The following CALY variants were observed in gnomAD, a reference collection of about 807,000 sequenced individuals.
The protein encoded by CALY is neuron-specific vesicular protein calcyon.
In CALY, 15 loss-of-function variants were observed where a neutral mutation model predicts 20.2. The ratio of observed to expected loss-of-function variants is 0.74; its 90% CI spans 0.50 to 1.14. CALY has a LOEUF of 1.14. Among genes scored for constraint, CALY ranks in the 50% most tolerant of loss-of-function variants. The pLI is 0.00. For missense variants in CALY, 270 were observed against 304.4 expected (o/e 0.89, Z 0.84); for synonymous variants, 129 against 131.8 (o/e 0.98, Z 0.15).
At position 133,324,231 on chromosome 10, in the gene CALY, A is replaced by C; in HGVS notation, c.*1364T>G. On this transcript the variant is annotated 3_prime_UTR_variant, in exon 6 of 6. Transcript: ENST00000252939. ...GCTTGTTCATCTGGCCAATGCCCTT[A>C]GAAGCCCAGCAGTGAAGGGTGTGGT... 2 of 400,214 alleles carry C rather than the reference A, an allele frequency of 5.0e-6. No individual in the cohort carries two copies. The highest frequency in any genetic ancestry group is 3.4e-5 in the South Asian group (2 of 58,510). The allele number at this position is 400,214 out of a possible 1,614,324, so 24.8% of individuals were successfully genotyped here. A position where few individuals can be genotyped will look rare whatever the true frequency, so the allele number is the denominator to read the frequency against.
At chr10:133,335,074 G>A (rs992427153) in intron 1 of CALY, among the ~76,000 whole-genome samples, 2 of 152,174 alleles carry the variant, frequency 1.3e-5, no homozygotes, top group Non-Finnish European at 2.9e-5. Context: ...AGGAGCGATC[G>A]GTGGAAGCAG....
chr10:133,326,913 C>T lies in CALY; in HGVS notation c.325G>A (p.Asp109Asn), dbSNP rs781364424. 14 of 1,610,314 alleles carry T rather than the reference C, an allele frequency of 8.7e-6. No homozygotes were observed. The highest frequency in any genetic ancestry group is 4.4e-5 in the South Asian group (4 of 90,058). ...VLIMYKAIWY[D>N]QFTCPDGFLL... ...AAGCCGTCGGGGCAGGTGAACTGGT[C>T]GTACCAGATGGCCTTGTACATGATC... Residue 109 changes from aspartate to asparagine, a missense_variant, in exon 4 of 6, where the codon GAC becomes AAC. Physicochemically the swap from Asp to Asn is conservative, Grantham distance 23. Coordinates refer to ENST00000252939, the MANE Select transcript of CALY (RefSeq NM_015722.4).
chr10:133,334,968 G>T (rs1351430609), intron 1 of CALY, among the ~76,000 whole-genome samples: 1 of 152,192 alleles, frequency 6.6e-6, no homozygotes, highest in Non-Finnish European at 1.5e-5. Context: ...GGCCCGGGCA[G>T]GGGCAATGGG....
chr10:133,335,631 C>G (rs1296670893), intron 1 of CALY, among the ~76,000 whole-genome samples: 1 of 152,228 alleles, frequency 6.6e-6, no homozygotes, highest in African/African-American at 2.4e-5. Context: ...CCAACCCCCC[C>G]ACCCCACACA....
chr10:133,330,336 G>A (rs1341429612), intron 1 of CALY, among the ~76,000 whole-genome samples: 1 of 95,226 alleles, frequency 1.1e-5, no homozygotes, highest in East Asian at 3.4e-4. Context: ...CTAGGTGACA[G>A]AACGAAACTC....
At position 133,336,876 on chromosome 10, in the gene CALY, G is replaced by C. The variant is rs1179738142; in HGVS notation, c.-63C>G. 1 of 152,370 alleles carries C rather than the reference G, an allele frequency of 6.6e-6. No individual in the cohort carries two copies. The highest frequency in any genetic ancestry group is 2.4e-5 in the African/African-American group (1 of 41,456). The allele number at this position is 152,370 out of a possible 1,614,324, so 9.4% of individuals were successfully genotyped here. On this transcript the variant is annotated 5_prime_UTR_variant, in exon 1 of 6. Coordinates refer to ENST00000252939, the MANE Select transcript of CALY (RefSeq NM_015722.4). The stretch of plus-strand genomic sequence containing the variant: ...GCTGCTGCAGGACGCGGTCGGGGAG[G>C]ACGACGATGCGGATGTGGATGCGGA...
rs1411836014 is a variant in CALY, at chr10:133,324,317, T to G, written c.*1278A>C. 1 of 455,534 alleles carries G rather than the reference T, an allele frequency of 2.2e-6. No homozygotes were observed. The highest frequency in any genetic ancestry group is 4.4e-6 in the Non-Finnish European group (1 of 226,730). 28.2% of individuals were successfully genotyped at this position (455,534 alleles called of 1,614,324 possible). On this transcript the variant is annotated 3_prime_UTR_variant, in exon 6 of 6. Coordinates refer to ENST00000252939, the MANE Select transcript of CALY (RefSeq NM_015722.4). Reference sequence around the variant, plus strand: ...GGCTTCCAGCTCACCATGGCTTCCCTGGCAGGCCCAGTTCACAGGCTTCCT... The same window carrying G: ...GGCTTCCAGCTCACCATGGCTTCCCGGGCAGGCCCAGTTCACAGGCTTCCT...
In CALY at chr10:133,326,081, T is replaced by C. The variant is rs767539572; in HGVS notation, c.400A>G (p.Thr134Ala). 4.4e-6 allele frequency: 7 copies of C among 1,600,318 alleles called. No individual in the cohort carries two copies. In the East Asian group the frequency reaches 1.1e-4, roughly 26 times the overall value. The change falls in exon 5 of 6, where the codon ACG becomes GCG. Residue 134 changes from threonine to alanine, a missense_variant. Transcript: ENST00000252939. ...CTPLTLEMYY[T>A]EMDPERHRSI... ...CGGTGGCGCTCGGGGTCCATCTCCG[T>C]GTAGTACATCTCCAGGGTCAGCGGC... is the stretch of plus-strand genomic sequence containing the variant.
intron 3 of CALY, chr10:133,327,306 G>C (rs1314614077): frequency 2.0e-6 from 1 of 501,386 alleles, no homozygotes; most frequent in Non-Finnish European, 3.6e-6. Context: ...GGGCTCCCAG[G>C]GGATGGGGCC....
At chr10:133,329,389 C>CTTTTTT (rs1325679515) in intron 1 of CALY, among the ~76,000 whole-genome samples, 1 of 99,614 alleles carries the variant, frequency 1.0e-5, no homozygotes, top group African/African-American at 4.1e-5. Flanking sequence ...TCTTCTTCTT[C>CTTTTTT]TTCTTTTTTT....
At chr10:133,329,967 G>C (rs2133379453) in intron 1 of CALY, among the ~76,000 whole-genome samples, 1 of 152,298 alleles carries the variant, frequency 6.6e-6, no homozygotes, top group South Asian at 2.1e-4. Flanking sequence ...AGGCCGCGGA[G>C]AGCGGGTCTC....
At chr10:133,334,711 C>G (rs945810367) in intron 1 of CALY, among the ~76,000 whole-genome samples, 2 of 151,024 alleles carry the variant, frequency 1.3e-5, no homozygotes, top group Non-Finnish European at 2.9e-5. Context: ...AGAGTGCGGC[C>G]GGTGAACGAG....
At chr10:133,330,653 G>T (rs1157095213) in intron 1 of CALY, among the ~76,000 whole-genome samples, 1 of 8,804 alleles carries the variant, frequency 1.1e-4, no homozygotes, top group Admixed American at 2.5e-3. Context: ...GAGAGACTCC[G>T]TCTCAAAAAA....
chr10:133,330,010 G>A (rs1449297275), intron 1 of CALY, among the ~76,000 whole-genome samples: 1 of 152,240 alleles, frequency 6.6e-6, no homozygotes, highest in Non-Finnish European at 1.5e-5. Context: ...AGGGCCCCGC[G>A]GGGCTGGGAG....
intron 3 of CALY, chr10:133,327,692 G>A (rs908910624): frequency 1.4e-5 from 9 of 649,984 alleles, no homozygotes; most frequent in Non-Finnish European, 2.2e-5. Context: ...GCCACTGTTT[G>A]GTCAGTCTGC....
chr10:133,328,554 G>T (rs1460467302), intron 2 of CALY, among the ~76,000 whole-genome samples: 1 of 152,368 alleles, frequency 6.6e-6, no homozygotes, highest in East Asian at 1.9e-4. Flanking sequence ...CCGAGGGGAA[G>T]GGTGGGAAGC....
At chr10:133,328,622 T>C (rs555370304) in intron 2 of CALY, among the ~76,000 whole-genome samples, 7 of 152,290 alleles carry the variant, frequency 4.6e-5, no homozygotes, top group East Asian at 1.9e-4. Context: ...TAGGAGTCAG[T>C]GCGTGAATTC....
In CALY at chr10:133,325,920, C is replaced by T; in HGVS notation, c.561G>A (p.Ala187=). 2 of 1,299,720 alleles carry T rather than the reference C, an allele frequency of 1.5e-6. No homozygotes were observed. The highest frequency in any genetic ancestry group is 2.0e-6 in the Non-Finnish European group (2 of 1,020,914). 80.5% of individuals were successfully genotyped at this position (1,299,720 alleles called of 1,614,324 possible). A position where few individuals can be genotyped will look rare whatever the true frequency, so the allele number is the denominator to read the frequency against. Reference sequence around the variant, plus strand: ...ACGGCTTCCCGGGGGGTTCGGTGGCCGCCGCCGCCGCCCCAGCCTGGGTGG... The same window carrying T: ...ACGGCTTCCCGGGGGGTTCGGTGGCTGCCGCCGCCGCCCCAGCCTGGGTGG... The part of the protein sequence containing the change: ...KGPTQAGAAA[A]ATEPPGKPSA... Residue 187 remains alanine (A), a synonymous_variant, in exon 5 of 6, where the codon GCG becomes GCA. Transcript: ENST00000252939.
Position 133,325,906 on chromosome 10 carries a change from G to C in CALY, c.575C>G (p.Pro192Arg), listed in dbSNP as rs987402732. 3.6e-5 allele frequency: 46 copies of C among 1,293,992 alleles called. 1 individual carries two copies. The South Asian group carries it at 1.1e-3, about 32-fold the overall frequency. 80.2% of individuals were successfully genotyped at this position (1,293,992 alleles called of 1,614,324 possible). ...AGAAAAATEPPGKPSAKAEKE... is the reference protein window; with the variant it reads ...AGAAAAATEPRGKPSAKAEKE... ...CTCCGCCTTGGCCGACGGCTTCCCG[G>C]GGGGTTCGGTGGCCGCCGCCGCCGC... Residue 192 changes from proline to arginine, a missense_variant, in exon 5 of 6, where the codon CCC becomes CGC. Transcript: ENST00000252939.
Sources: allele counts gnomAD v4.1 joint callset (sites outside exome capture counted in the v4.1 genomes callset), GRCh38; gene constraint gnomAD v4.1.1; transcripts MANE v1.5; gene names NCBI Gene and HGNC (gene_info 2026-07-23, HGNC 2026-07-21).